TACC1: variants seen among roughly 807,000 people sequenced by gnomAD.
TACC1 encodes transforming acidic coiled-coil containing protein 1, also known as transforming acidic coiled-coil-containing protein 1.
In TACC1, 48 loss-of-function variants were observed where a neutral mutation model predicts 84.4. The observed-to-expected ratio is 0.57, with a 90% CI of 0.45 to 0.72. TACC1 has a LOEUF of 0.72. TACC1 is among the 30% of genes least tolerant of loss of function. TACC1 has a pLI of 0.00. For missense variants in TACC1, 920 were observed against 973.0 expected, an observed-to-expected ratio of 0.95 and a Z score of 0.72; for synonymous variants, 372 against 376.3, an observed-to-expected ratio of 0.99 and a Z score of 0.13.
chr8:38,763,264 C>T (rs529327116), intron 3 of TACC1, among the ~76,000 whole-genome samples: 2 of 152,156 alleles, frequency 1.3e-5, no homozygotes, highest in South Asian at 2.1e-4. Flanking sequence ...ATCCTCACAC[C>T]ATAGCCTCTC....
chr8:38,785,568 T>C, upstream of TACC1: 1 of 423,632 alleles, frequency 2.4e-6, no homozygotes, highest in Middle Eastern at 1.2e-3. Flanking sequence ...ACTATGTCAG[T>C]CACCACAGGG....
chr8:38,738,898 T>C (rs1806515186), intron 1 of TACC1, among the ~76,000 whole-genome samples: 1 of 152,132 alleles, frequency 6.6e-6, no homozygotes, highest in Non-Finnish European at 1.5e-5. Flanking sequence ...TGTGCTGACT[T>C]CTTTTTTTTG....
chr8:38,788,580 A>T (rs1163313239), intron 1 of TACC1, 124 bp from the exon 2 acceptor site: 1 of 730,052 alleles, frequency 1.4e-6, no homozygotes, highest in African/African-American at 1.8e-5. Context: ...GACCCTGCTG[A>T]GGACCGGTTG....
intron 1 of TACC1, among the ~76,000 whole-genome samples, chr8:38,736,683 G>GTCAT (rs1806028466): frequency 6.6e-6 from 1 of 152,160 alleles, no homozygotes; most frequent in African/African-American, 2.4e-5. Flanking sequence ...TAAATTTGAA[G>GTCAT]TCATTATTCA....
chr8:38,777,394 TC>T (rs1464433194), intron 3 of TACC1, among the ~76,000 whole-genome samples: 1 of 152,206 alleles, frequency 6.6e-6, no homozygotes, highest in Non-Finnish European at 1.5e-5. Flanking sequence ...CTCTATCCTG[TC>T]CAGAGTGTGG....
intron 2 of TACC1, among the ~76,000 whole-genome samples, chr8:38,743,292 T>TTGAGTGAA (rs1554625270): frequency 2.7e-4 from 41 of 151,044 alleles, no homozygotes; most frequent in African/African-American, 1.0e-3. Flanking sequence ...TATATATTTG[T>TTGAGTGAA]TGAATGAATG....
intron 2 of TACC1, among the ~76,000 whole-genome samples, chr8:38,817,487 A>C (rs1825689800): frequency 1.3e-5 from 2 of 152,214 alleles, no homozygotes; most frequent in Admixed American, 6.5e-5. Context: ...ATGACAGAGA[A>C]AATAGTACAA....
intron 2 of TACC1, among the ~76,000 whole-genome samples, chr8:38,814,529 C>G (rs1203393061): frequency 6.6e-6 from 1 of 152,160 alleles, no homozygotes; most frequent in Non-Finnish European, 1.5e-5. Context: ...GAGCAATAGG[C>G]TATACCATAG....
chr8:38,819,932 C>G lies in TACC1; in HGVS notation c.688C>G (p.Leu230Val). The G allele has an allele frequency of 6.2e-7, 1 of 1,614,146 alleles. No individual in the cohort carries two copies. The highest frequency in any genetic ancestry group is 8.5e-7 in the Non-Finnish European group (1 of 1,180,036). ...PELVPSRRSK[L>V]RKPKPVPLRK... Reference sequence around the variant, plus strand: ...GCTTGTGCCCAGCAGAAGAAGCAAGCTGAGAAAGCCCAAGCCTGTCCCCCT... The same window carrying G: ...GCTTGTGCCCAGCAGAAGAAGCAAGGTGAGAAAGCCCAAGCCTGTCCCCCT... The change falls in exon 3 of 13, where the codon CTG becomes GTG. Residue 230 changes from leucine (L) to valine (V), a missense_variant. Leu to Val is a conservative substitution (Grantham distance 32, BLOSUM62 1). Coordinates refer to ENST00000317827, the MANE Select transcript of TACC1 (RefSeq NM_006283.3).
intron 6 of TACC1, 105 bp downstream of exon 6, chr8:38,831,282 G>T: frequency 2.6e-6 from 3 of 1,140,064 alleles, no homozygotes; most frequent in Non-Finnish European, 3.9e-6. Flanking sequence ...AGGTGATGAG[G>T]ATAAAATGTA....
In TACC1 at chr8:38,851,615, G is replaced by A; in HGVS notation, c.*3592G>A. 1 of 195,118 alleles carries A rather than the reference G, an allele frequency of 5.1e-6. No homozygotes were observed. Among genetic ancestry groups the A allele is most frequent in the Non-Finnish European group, 1.1e-5 (1 of 91,456 alleles). 12.1% of individuals were successfully genotyped at this position (195,118 alleles called of 1,614,324 possible). A position where few individuals can be genotyped will look rare whatever the true frequency, so the allele number is the denominator to read the frequency against. On this transcript the variant is annotated 3_prime_UTR_variant, in exon 13 of 13. Coordinates refer to ENST00000317827, the MANE Select transcript of TACC1 (RefSeq NM_006283.3). ...TCTTGGTTTTTCATTATAATTGGTA[G>A]CCATCTCATGAACTGTCTCTGACTG...
intron 1 of TACC1, among the ~76,000 whole-genome samples, chr8:38,735,611 A>C (rs2151633539): frequency 6.6e-6 from 1 of 152,206 alleles, no homozygotes; most frequent in Non-Finnish European, 1.5e-5. Context: ...CACCCCCTGC[A>C]CTCAGCTCTC....
intron 3 of TACC1, chr8:38,824,780 T>G (rs1285008764): frequency 6.5e-6 from 1 of 153,892 alleles, no homozygotes. Flanking sequence ...TTTACTCACA[T>G]ATTTTTACTT....
intron 2 of TACC1, among the ~76,000 whole-genome samples, chr8:38,811,715 A>T (rs1253617354): frequency 1.3e-5 from 2 of 152,216 alleles, no homozygotes; most frequent in African/African-American, 4.8e-5. Flanking sequence ...TATTGTACAA[A>T]TTGATTGTGA....
intron 3 of TACC1, among the ~76,000 whole-genome samples, chr8:38,773,601 T>G (rs60588818): frequency 0.23 from 33,795 of 149,282 alleles, 4,451 homozygotes; most frequent in African/African-American, 0.39. Context: ...TATCTATCTA[T>G]CTAGCTATCT....
chr8:38,838,564 G>T lies in TACC1; in HGVS notation c.1916+18G>T. ...GAGATGAGGTTAGACTGGAGGTTTT[G>T]GGGAGGGGCTGGATACTTTTATGCA... On this transcript the variant is annotated intron_variant, in intron 8 of 12. Coordinates refer to ENST00000317827, the MANE Select transcript of TACC1 (RefSeq NM_006283.3). 1 of 1,601,800 alleles carries T rather than the reference G, an allele frequency of 6.2e-7. No homozygotes were observed. Among genetic ancestry groups the T allele is most frequent in the South Asian group, 1.1e-5 (1 of 90,770 alleles).
chr8:38,746,262 A>G (rs1808071656), intron 3 of TACC1, among the ~76,000 whole-genome samples: 1 of 152,234 alleles, frequency 6.6e-6, no homozygotes, highest in Non-Finnish European at 1.5e-5. Context: ...TCAGAGAAAT[A>G]GATACAATGA....
chr8:38,811,254 CT>C (rs57977841), intron 2 of TACC1, among the ~76,000 whole-genome samples: 151,690 of 152,214 alleles, frequency 1, 75,587 homozygotes, highest in East Asian at 1. Flanking sequence ...CCCACTCCAA[CT>C]AGTCCCCAAG....
At position 38,769,571 on chromosome 8, in the gene TACC1, ATGAC is replaced by A. The variant is rs543464511; in HGVS notation, c.27-19130_27-19127del. 4.0e-3 allele frequency among the ~76,000 whole-genome samples: 493 copies of A among 123,516 alleles called. 3 individuals are homozygous for A. Among genetic ancestry groups the A allele is most frequent in the African/African-American group, 0.015 (464 of 31,556 alleles). The allele number at this position is 123,516 out of a possible 152,430, so 81.0% of individuals were successfully genotyped here. ...TTGGGGGTGGGAGTGTGGTGTGTGTATGACTGTGTGTGGTGTATGTATATGTATG... is the reference window on the plus strand; with the variant it reads ...TTGGGGGTGGGAGTGTGGTGTGTGTATGTGTGTGGTGTATGTATATGTATG... On this transcript the variant is annotated intron_variant, in intron 3 of 14. Transcript: ENST00000518415.
Sources: gnomAD v4.1 joint callset for allele counts (sites outside exome capture counted in the v4.1 genomes callset) on GRCh38, gnomAD v4.1.1 for gene constraint, MANE v1.5 for transcripts, NCBI Gene and HGNC (gene_info 2026-07-23, HGNC 2026-07-21) for gene names.